The following CADM2 variants were observed in gnomAD, a reference collection of about 807,000 sequenced individuals.
CADM2 encodes immunoglobulin superfamily member 4D.
A neutral mutation model predicts 49.8 loss-of-function variants in CADM2; 12 were observed. The observed-to-expected ratio is 0.24, with a 90% CI of 0.15 to 0.39. The LOEUF is 0.39. CADM2 is among the 10% of genes least tolerant of loss of function. The pLI is 1.00. For missense variants in CADM2, 378 were observed against 492.3 expected (o/e 0.77, Z 2.20); for synonymous variants, 214 against 175.4 (o/e 1.22, Z -1.74).
At chr3:85,072,236 G>A (rs2036776269) in intron 1 of CADM2, among the ~76,000 whole-genome samples, 1 of 151,956 alleles carries the variant, frequency 6.6e-6, no homozygotes, top group Non-Finnish European at 1.5e-5. Context: ...TCCCCTGAAA[G>A]TGGAACAAGT....
intron 7 of CADM2, among the ~76,000 whole-genome samples, chr3:85,949,719 C>G (rs1426793673): frequency 6.6e-6 from 1 of 151,082 alleles, no homozygotes; most frequent in Non-Finnish European, 1.5e-5. Context: ...CTGAAGATCA[C>G]TGGTTTTAAT....
At chr3:85,726,664 G>T (rs1577173743) in intron 2 of CADM2, 116 bp downstream of exon 2, 1 of 649,492 alleles carries the variant, frequency 1.5e-6, no homozygotes, top group South Asian at 2.3e-5. Context: ...TCAGTGTATA[G>T]ATATTGTTCA....
At chr3:85,983,790 TCTAC>T (rs1727751683) in intron 8 of CADM2, among the ~76,000 whole-genome samples, 1 of 127,016 alleles carries the variant, frequency 7.9e-6, no homozygotes, top group East Asian at 2.6e-4. Flanking sequence ...TATCTGTCTA[TCTAC>T]CTATCTATCT....
intron 2 of CADM2, among the ~76,000 whole-genome samples, chr3:85,783,699 GA>G (rs766475762): frequency 2.6e-5 from 4 of 152,070 alleles, no homozygotes; most frequent in Non-Finnish European, 4.4e-5. Flanking sequence ...TATAAATTAT[GA>G]GTTTGGTACT....
At chr3:85,727,014 T>G (rs1394218262) in intron 2 of CADM2, among the ~76,000 whole-genome samples, 1 of 152,146 alleles carries the variant, frequency 6.6e-6, no homozygotes, top group Non-Finnish European at 1.5e-5. Flanking sequence ...TTTTCATTTT[T>G]AGTTGCATTG....
chr3:84,991,223 C>T (rs1263867934), intron 1 of CADM2, among the ~76,000 whole-genome samples: 6 of 151,838 alleles, frequency 4.0e-5, no homozygotes, highest in African/African-American at 1.2e-4. Flanking sequence ...AAGTTATAAA[C>T]CTAGGGGACT....
intron 3 of CADM2, among the ~76,000 whole-genome samples, chr3:85,866,153 A>C (rs1381959730): frequency 3.3e-5 from 5 of 152,078 alleles, no homozygotes; most frequent in Admixed American, 2.0e-4. Context: ...AATAATAATA[A>C]TGATAGAAGA....
intron 1 of CADM2, among the ~76,000 whole-genome samples, chr3:85,020,891 A>G (rs1431065898): frequency 2.0e-5 from 3 of 152,080 alleles, no homozygotes; most frequent in African/African-American, 7.2e-5. Flanking sequence ...TTACAACTAC[A>G]TATTTTGAGT....
intron 1 of CADM2, among the ~76,000 whole-genome samples, chr3:85,557,744 G>A (rs1158330147): frequency 6.6e-6 from 1 of 151,912 alleles, no homozygotes; most frequent in Non-Finnish European, 1.5e-5. Flanking sequence ...TAGACAAATA[G>A]CTCATTTGGT....
intron 1 of CADM2, among the ~76,000 whole-genome samples, chr3:85,100,300 G>C (rs1183921742): frequency 1.3e-5 from 2 of 152,222 alleles, no homozygotes; most frequent in South Asian, 4.1e-4. Flanking sequence ...ATAACCATCG[G>C]TTGTGGGTTG....
chr3:85,586,013 C>G (rs751314886), intron 1 of CADM2, among the ~76,000 whole-genome samples: 1 of 151,926 alleles, frequency 6.6e-6, no homozygotes, highest in African/African-American at 2.4e-5. Flanking sequence ...TTAATCTCAG[C>G]TGTACTTCTA....
chr3:85,692,482 G>C (rs1440987880), intron 1 of CADM2, among the ~76,000 whole-genome samples: 1 of 152,166 alleles, frequency 6.6e-6, no homozygotes, highest in Non-Finnish European at 1.5e-5. Context: ...CATGTAGCTA[G>C]GTGAAGAAAA....
At chr3:85,149,131 A>C (rs2039842710) in intron 1 of CADM2, among the ~76,000 whole-genome samples, 1 of 152,116 alleles carries the variant, frequency 6.6e-6, no homozygotes, top group Admixed American at 6.6e-5. Flanking sequence ...TAATTAGAAA[A>C]ATATTTTCCC....
At chr3:85,032,115 T>C (rs1324339150) in intron 1 of CADM2, among the ~76,000 whole-genome samples, 2 of 152,258 alleles carry the variant, frequency 1.3e-5, no homozygotes, top group Middle Eastern at 3.4e-3. Context: ...ATATGCCAAA[T>C]ACAGTTTGTC....
intron 6 of CADM2, among the ~76,000 whole-genome samples, chr3:85,931,916 A>T (rs958542351): frequency 7.3e-5 from 11 of 151,186 alleles, no homozygotes; most frequent in African/African-American, 2.7e-4. Context: ...TTTATTAATT[A>T]TTAAAATTAT....
chr3:85,847,136 C>A lies in CADM2; in HGVS notation c.239-36155C>A, dbSNP rs562078837. On this transcript the variant is annotated intron_variant, in intron 3 of 9. Coordinates refer to ENST00000383699, the MANE Select transcript of CADM2 (RefSeq NM_001167675.2). ...TAATGATGTTGACATTAGCAGTGTG[C>A]CAGGCTGTTAATAACTTTTGCTCTA... is the stretch of plus-strand genomic sequence containing the variant. Among the ~76,000 whole-genome samples the A allele has an allele frequency of 7.9e-5, 12 of 152,206 alleles. No homozygotes were observed. In the South Asian group the frequency reaches 2.5e-3, roughly 32 times the overall value.
At chr3:85,159,199 G>A (rs773316369) in intron 1 of CADM2, among the ~76,000 whole-genome samples, 14 of 152,096 alleles carry the variant, frequency 9.2e-5, no homozygotes, top group Non-Finnish European at 1.5e-4. Context: ...GAAATAGAAC[G>A]TATTATTAAT....
intron 1 of CADM2, among the ~76,000 whole-genome samples, chr3:85,043,950 C>T (rs943815499): frequency 1.3e-5 from 2 of 152,078 alleles, no homozygotes; most frequent in African/African-American, 4.8e-5. Context: ...TGCTTTCTCC[C>T]CAACATTATG....
intron 3 of CADM2, among the ~76,000 whole-genome samples, chr3:85,804,950 T>G (rs2108090591): frequency 6.6e-6 from 1 of 152,242 alleles, no homozygotes; most frequent in South Asian, 2.1e-4. Flanking sequence ...ACTTTTTTTT[T>G]GGTTTTGTTT....
Sources: gnomAD v4.1 joint callset for allele counts (sites outside exome capture counted in the v4.1 genomes callset) on GRCh38, gnomAD v4.1.1 for gene constraint, MANE v1.5 for transcripts, NCBI Gene and HGNC (gene_info 2026-07-23, HGNC 2026-07-21) for gene names.